The following MYH11 variants were observed in gnomAD, a reference collection of about 807,000 sequenced individuals.
The protein encoded by MYH11 is myosin-11.
In MYH11, 80 loss-of-function variants were observed where a neutral mutation model predicts 246.6. The ratio of observed to expected loss-of-function variants is 0.32; its 90% confidence interval spans 0.27 to 0.39. MYH11 has a LOEUF of 0.39. Ranked by LOEUF, MYH11 falls within the 10% of genes least tolerant of loss-of-function variation. The pLI, the probability that MYH11 is intolerant of heterozygous loss-of-function variation, is 1.00. For synonymous variants in MYH11, 1,071 were observed against 1,015.5 expected (o/e 1.05, Z -1.04); for missense variants, 2,158 against 2,546.8 (o/e 0.85, Z 3.29).
chr16:15,846,579 T>C (rs1331467590), intron 1 of MYH11, among the ~76,000 whole-genome samples: 1 of 152,302 alleles, frequency 6.6e-6, no homozygotes. Context: ...CCAGGTGACA[T>C]GGCTCACGCC....
intron 2 of MYH11, among the ~76,000 whole-genome samples, chr16:15,830,578 G>C (rs1261840517): frequency 2.0e-5 from 3 of 152,102 alleles, no homozygotes; most frequent in African/African-American, 7.2e-5. Context: ...GGCTGCATGT[G>C]TATAAAACAT....
intron 6 of MYH11, chr16:15,779,160 G>C: frequency 2.3e-6 from 1 of 433,398 alleles, no homozygotes. Flanking sequence ...ACAAGGTTTT[G>C]CTCTGTCAGC....
At chr16:15,732,280 A>C (rs1483684560) in intron 27 of MYH11, among the ~76,000 whole-genome samples, 1 of 151,460 alleles carries the variant, frequency 6.6e-6, no homozygotes, top group Admixed American at 6.6e-5. Context: ...TTAAAATTTT[A>C]GTAGAAACAA....
chr16:15,704,121 C>T lies in MYH11; in HGVS notation c.5789G>A (p.Arg1930Gln), dbSNP rs769356338. 35 of 1,613,992 alleles carry T rather than the reference C, an allele frequency of 2.2e-5. No homozygotes were observed. The highest frequency in any genetic ancestry group is 2.8e-5 in the Non-Finnish European group (33 of 1,179,972). The change falls in exon 41 of 41, where the codon CGA (arginine) becomes CAA (glutamine). Residue 1930 changes from arginine to glutamine, a missense_variant and splice_region_variant. Transcript: ENST00000300036. ...AGGAACGAAAGAGGTCTCGTTTCCT[C>T]GCCTGTGGGTTGTAAGAAAACACAT... is the stretch of plus-strand genomic sequence containing the variant. Reference protein sequence around the residue: ...EVNALKSKLRRGNETSFVPSR... With the variant: ...EVNALKSKLRQGNETSFVPSR...
At chr16:15,812,640 AG>A (rs2043167055) in intron 3 of MYH11, among the ~76,000 whole-genome samples, 2 of 149,624 alleles carry the variant, frequency 1.3e-5, no homozygotes, top group East Asian at 4.0e-4. Flanking sequence ...TGAGAAGCCT[AG>A]GCAGGTGGAT....
intron 3 of MYH11, among the ~76,000 whole-genome samples, chr16:15,816,927 TA>T (rs1385711286): frequency 1.3e-5 from 2 of 152,118 alleles, no homozygotes; most frequent in Non-Finnish European, 2.9e-5. Flanking sequence ...ACCAATTTTT[TA>T]AAAAAGGGAA....
chr16:15,708,710 G>A (rs1171291321), intron 40 of MYH11: 10 of 1,327,240 alleles, frequency 7.5e-6, no homozygotes, highest in Non-Finnish European at 1.1e-5. Flanking sequence ...AATGTGCAAG[G>A]GTTTAAAAAT....
At chr16:15,831,924 C>T (rs975431814) in intron 2 of MYH11, among the ~76,000 whole-genome samples, 4 of 150,986 alleles carry the variant, frequency 2.6e-5, no homozygotes, top group Admixed American at 6.6e-5. Context: ...CGTGACAGAG[C>T]GAGACTCCAT....
In MYH11 at chr16:15,763,865, G is replaced by A. The variant is rs774470189; in HGVS notation, c.1060C>T (p.Leu354=). The A allele has an allele frequency of 1.2e-6, 2 of 1,611,642 alleles. No homozygotes were observed. The highest frequency in any genetic ancestry group is 1.1e-5 in the South Asian group (1 of 91,026). Residue 354 remains leucine (L), a synonymous_variant, in exon 10 of 41, where the codon CTG becomes TTG. Coordinates refer to ENST00000300036, the MANE Select transcript of MYH11 (RefSeq NM_002474.3). ...LSILKVVSSV[L]QLGNIVFKKE... ...TTGAAGACGATATTTCCAAGCTGCA[G>A]GACCGATGATACCACCTTCAATATG...
intron 19 of MYH11, among the ~76,000 whole-genome samples, chr16:15,746,203 A>C (rs901359868): frequency 6.6e-6 from 1 of 151,886 alleles, no homozygotes; most frequent in Non-Finnish European, 1.5e-5. Context: ...CTGGGATTAC[A>C]GGTGTCAGCT....
chr16:15,854,760 C>G (rs1299001457), intron 1 of MYH11, among the ~76,000 whole-genome samples: 1 of 152,202 alleles, frequency 6.6e-6, no homozygotes, highest in Non-Finnish European at 1.5e-5. Context: ...CTTGGAATTA[C>G]ACGCTTGTGC....
chr16:15,738,430 T>C, intron 24 of MYH11, 135 bp downstream of exon 24: 1 of 785,316 alleles, frequency 1.3e-6, no homozygotes, highest in Non-Finnish European at 2.0e-6. Flanking sequence ...GGAGGATCAC[T>C]GGAGCTTAGG....
intron 10 of MYH11, 36 bp downstream of exon 10, chr16:15,763,760 C>CCCCCCCAAA: frequency 2.5e-6 from 3 of 1,192,080 alleles, no homozygotes; most frequent in Non-Finnish European, 3.8e-6. Flanking sequence ...CCCCCAACCC[C>CCCCCCCAAA]AAAGTCATTG....
intron 16 of MYH11, chr16:15,749,862 C>T: frequency 1.7e-6 from 1 of 576,534 alleles, no homozygotes. Flanking sequence ...GCACCCAGGA[C>T]AGGGCAGAGC....
intron 10 of MYH11, 55 bp downstream of exon 10, chr16:15,763,741 T>TCGGGGGGGGC: frequency 1.5e-6 from 1 of 646,862 alleles, no homozygotes; most frequent in East Asian, 3.2e-5. Flanking sequence ...AAATGTCACC[T>TCGGGGGGGGC]CCCCCACCCC....
intron 1 of MYH11, among the ~76,000 whole-genome samples, chr16:15,844,720 G>C (rs1352828090): frequency 6.6e-6 from 1 of 151,762 alleles, no homozygotes; most frequent in African/African-American, 2.4e-5. Flanking sequence ...GCATGATGAT[G>C]CGTGCTTGTA....
At chr16:15,829,089 C>T (rs2043656139) in intron 2 of MYH11, among the ~76,000 whole-genome samples, 1 of 150,854 alleles carries the variant, frequency 6.6e-6, no homozygotes. Context: ...GAGTCTGAGG[C>T]AGGAGAGTCA....
chr16:15,846,875 G>A (rs1037355625), intron 1 of MYH11, among the ~76,000 whole-genome samples: 8 of 152,064 alleles, frequency 5.3e-5, no homozygotes, highest in African/African-American at 1.7e-4. Flanking sequence ...GATCACTTAA[G>A]CTCAGGAGGT....
chr16:15,762,502 A>C (rs2041890621), intron 10 of MYH11, among the ~76,000 whole-genome samples: 1 of 152,118 alleles, frequency 6.6e-6, no homozygotes, highest in Non-Finnish European at 1.5e-5. Flanking sequence ...ATTTTTGCGG[A>C]CCCTGGCACC....
Sources: allele counts gnomAD v4.1 joint callset (sites outside exome capture counted in the v4.1 genomes callset), GRCh38; gene constraint gnomAD v4.1.1; transcripts MANE v1.5; gene names NCBI Gene and HGNC (gene_info 2026-07-23, HGNC 2026-07-21).